MROH2B: variants seen among roughly 807,000 people sequenced by gnomAD.
MROH2B encodes maestro heat like repeat family member 2B.
A neutral mutation model predicts 208.6 loss-of-function variants in MROH2B; 177 were observed. The observed-to-expected ratio is 0.85, with a 90% CI of 0.75 to 0.96. The LOEUF (loss-of-function observed/expected upper bound fraction) is 0.96, where lower values mean the gene tolerates loss of function less well. Ranked by LOEUF, MROH2B falls within the 40% of genes least tolerant of loss-of-function variation. MROH2B has a pLI of 0.00. For missense variants in MROH2B, 2,002 were observed against 1,878.7 expected (o/e 1.07, Z -1.21); for synonymous variants, 728 against 659.0 (o/e 1.10, Z -1.60).
At chr5:41,053,861 C>T (rs952175160) in intron 11 of MROH2B, among the ~76,000 whole-genome samples, 1 of 152,128 alleles carries the variant, frequency 6.6e-6, no homozygotes, top group Non-Finnish European at 1.5e-5. Flanking sequence ...GAATTTATTC[C>T]TCTTAATTGG....
chr5:41,038,898 A>G lies in MROH2B; in HGVS notation c.2062-10T>C, dbSNP rs325849. On this transcript the variant is annotated splice_polypyrimidine_tract_variant and intron_variant, in intron 20 of 41. Coordinates refer to ENST00000399564, the MANE Select transcript of MROH2B (RefSeq NM_173489.5). Reference sequence around the variant, plus strand: ...TCCCAGAAAAAAGGCTCTGAAGACCAGGAAAGGGAGACATGAAAAATGTGA... The same window carrying G: ...TCCCAGAAAAAAGGCTCTGAAGACCGGGAAAGGGAGACATGAAAAATGTGA... 0.79 allele frequency: 1,261,762 copies of G among 1,589,734 alleles called. 502,669 individuals carry two copies. The highest frequency in any genetic ancestry group is 0.81 in the Non-Finnish European group (949,936 of 1,170,740).
chr5:41,016,086 C>G (rs963919597), intron 28 of MROH2B, among the ~76,000 whole-genome samples: 1 of 152,184 alleles, frequency 6.6e-6, no homozygotes. Context: ...GTGGGACACA[C>G]GTGGACTTTG....
At chr5:41,018,035 A>T in intron 27 of MROH2B, 65 bp from the exon 28 acceptor site, 3 of 1,511,080 alleles carry the variant, frequency 2.0e-6, no homozygotes, top group Non-Finnish European at 2.7e-6. Context: ...GATGTTCCCA[A>T]CACTGGATCT....
chr5:41,045,856 G>A lies in MROH2B; in HGVS notation c.1729-3C>T. On this transcript the variant is annotated splice_polypyrimidine_tract_variant and splice_region_variant and intron_variant, in intron 17 of 41. Coordinates refer to ENST00000399564, the MANE Select transcript of MROH2B (RefSeq NM_173489.5). ...TTCCATAAGGATTCTTTGAGCAACT[G>A]TTGTAGGAAGTGGAAGTTAGATGTG... is the stretch of plus-strand genomic sequence containing the variant. The A allele has an allele frequency of 6.2e-7, 1 of 1,604,936 alleles. No individual in the cohort carries two copies. The highest frequency in any genetic ancestry group is 8.5e-7 in the Non-Finnish European group (1 of 1,173,532).
chr5:41,020,814 T>C (rs1325958428), intron 24 of MROH2B, among the ~76,000 whole-genome samples: 1 of 152,220 alleles, frequency 6.6e-6, no homozygotes, highest in Non-Finnish European at 1.5e-5. Flanking sequence ...ATAAATGACA[T>C]ATGTGAAAGC....
chr5:41,015,462 C>T lies in MROH2B; in HGVS notation c.2901G>A (p.Val967=). 1.2e-6 allele frequency: 2 copies of T among 1,613,452 alleles called. No homozygotes were observed. The highest frequency in any genetic ancestry group is 1.7e-6 in the Non-Finnish European group (2 of 1,179,612). The change falls in exon 29 of 42, where the codon GTG becomes GTA. Residue 967 remains valine, a synonymous_variant. Coordinates refer to ENST00000399564, the MANE Select transcript of MROH2B (RefSeq NM_173489.5). ...LFYIKGIHLE[V]ERLQGLQEGL... Reference sequence around the variant, plus strand: ...CTTCCTGCAAACCCTGCAGTCTTTCCACTTCCAAGTGAATGCCTAAAATCA... The same window carrying T: ...CTTCCTGCAAACCCTGCAGTCTTTCTACTTCCAAGTGAATGCCTAAAATCA...
intron 24 of MROH2B, among the ~76,000 whole-genome samples, chr5:41,022,694 G>C (rs1742193132): frequency 1.3e-5 from 2 of 152,234 alleles, no homozygotes; most frequent in African/African-American, 4.8e-5. Context: ...CAGCTTTGAA[G>C]AGAGTAGTGG....
At chr5:41,004,195 C>T (rs1467487384) in intron 37 of MROH2B, 151 bp downstream of exon 37, 1 of 803,290 alleles carries the variant, frequency 1.2e-6, no homozygotes, top group East Asian at 2.6e-5. Flanking sequence ...AGGAAGCCAA[C>T]AGCTTGTATA....
chr5:41,063,290 G>T (rs916670280), intron 5 of MROH2B, among the ~76,000 whole-genome samples: 2 of 152,178 alleles, frequency 1.3e-5, no homozygotes, highest in African/African-American at 4.8e-5. Flanking sequence ...TTGAAAGTGG[G>T]TTAGTGTAGT....
At chr5:41,042,244 G>A in intron 18 of MROH2B, 36 bp from the exon 19 acceptor site, 1 of 1,301,950 alleles carries the variant, frequency 7.7e-7, no homozygotes, top group Non-Finnish European at 1.1e-6. Flanking sequence ...GATTTTAAGG[G>A]TTGGAAAGCA....
In MROH2B at chr5:41,065,254, C is replaced by A; in HGVS notation, c.361+77G>T. 2 of 1,379,076 alleles carry A rather than the reference C, an allele frequency of 1.5e-6. 1 individual carries two copies. The highest frequency in any genetic ancestry group is 2.9e-5 in the South Asian group (2 of 70,008). 85.4% of individuals were successfully genotyped at this position (1,379,076 alleles called of 1,614,324 possible). A position where few individuals can be genotyped will look rare whatever the true frequency, so the allele number is the denominator to read the frequency against. On this transcript the variant is annotated intron_variant, in intron 4 of 41. Transcript: ENST00000399564. ...AAGGCAGAGATGCTATCTCTTCTAC[C>A]GTTTGCTCCCATTTAGCTTTTAGAC...
In MROH2B at chr5:41,049,112, C is replaced by T. The variant is rs372907780; in HGVS notation, c.1531G>A (p.Ala511Thr). ...VKLPSPQQLL[A>T]RLLVISMPAS... ...AGTAACTCACTCACCAGAAGTCTGG[C>T]CAGTAGCTGCTGTGGTGAAGGAAGT... Residue 511 changes from alanine (A) to threonine (T), a missense_variant, in exon 15 of 42, where the codon GCC (alanine) becomes ACC (threonine). By Grantham distance (58) the Ala-to-Thr change is moderately conservative. Coordinates refer to ENST00000399564, the MANE Select transcript of MROH2B (RefSeq NM_173489.5). The T allele has an allele frequency of 5.6e-6, 9 of 1,598,148 alleles. No individual in the cohort carries two copies. Among genetic ancestry groups the T allele is most frequent in the African/African-American group, 5.4e-5 (4 of 74,734 alleles).
intron 24 of MROH2B, among the ~76,000 whole-genome samples, chr5:41,030,172 C>A: frequency 6.6e-6 from 1 of 151,630 alleles, no homozygotes; most frequent in Non-Finnish European, 1.5e-5. Flanking sequence ...GACATTTCTC[C>A]AAAAAAGATA....
intron 3 of MROH2B, 58 bp from the exon 4 acceptor site, chr5:41,065,548 G>T: frequency 7.2e-7 from 1 of 1,390,486 alleles, no homozygotes; most frequent in Non-Finnish European, 1.0e-6. Flanking sequence ...GTGAGTCTAT[G>T]GAGGGGAACT....
intron 24 of MROH2B, among the ~76,000 whole-genome samples, chr5:41,030,652 GC>G (rs776033136): frequency 1.4e-4 from 21 of 151,934 alleles, no homozygotes; most frequent in Admixed American, 3.9e-4. Flanking sequence ...TAAAAAAAGA[GC>G]CCACATAGGG....
chr5:41,038,368 C>T (rs1222657357), intron 21 of MROH2B, among the ~76,000 whole-genome samples: 3 of 152,078 alleles, frequency 2.0e-5, no homozygotes, highest in Non-Finnish European at 2.9e-5. Flanking sequence ...TGCATCACAG[C>T]AGTGGTAGGA....
At chr5:41,035,810 A>G (rs1407320624) in intron 21 of MROH2B, among the ~76,000 whole-genome samples, 1 of 148,774 alleles carries the variant, frequency 6.7e-6, no homozygotes, top group Non-Finnish European at 1.5e-5. Flanking sequence ...AAAGAAAGCA[A>G]AAAAACAAAA....
chr5:41,038,640 A>G, intron 21 of MROH2B, 96 bp downstream of exon 21: 1 of 1,247,672 alleles, frequency 8.0e-7, no homozygotes, highest in Non-Finnish European at 1.1e-6. Context: ...AAACATACCC[A>G]AGTCTGGGAA....
Position 41,004,472 on chromosome 5 carries a change from TAGGTGATAC to T in MROH2B, c.4059_4067del (p.Tyr1354_Leu1356del). The T allele has an allele frequency of 1.2e-6, 2 of 1,614,004 alleles. No homozygotes were observed. Among genetic ancestry groups the T allele is most frequent in the Non-Finnish European group, 1.7e-6 (2 of 1,179,880 alleles). On this transcript the variant is annotated inframe_deletion, in exon 37 of 42. Transcript: ENST00000399564. ...TTTCACAGACGACTTCAGTGCGAGCTAGGTGATACAGGCCTCTGATGATAGATTCTAGCA... is the reference window on the plus strand; with the variant it reads ...TTTCACAGACGACTTCAGTGCGAGCTAGGCCTCTGATGATAGATTCTAGCA...
Sources: gnomAD v4.1 joint callset for allele counts (sites outside exome capture counted in the v4.1 genomes callset) on GRCh38, gnomAD v4.1.1 for gene constraint, MANE v1.5 for transcripts, NCBI Gene and HGNC (gene_info 2026-07-23, HGNC 2026-07-21) for gene names.